The following NCOA1 variants were observed in gnomAD, a reference collection of about 807,000 sequenced individuals.
The protein encoded by NCOA1 is nuclear receptor coactivator 1, also known as Hin-2 protein.
NCOA1 carries 35 observed loss-of-function variants against 150.9 expected under a neutral mutation model. The observed-to-expected ratio is 0.23, with a 90% CI of 0.18 to 0.31. The LOEUF is 0.31. Ranked by LOEUF, NCOA1 falls within the 10% of genes least tolerant of loss-of-function variation. The probability of loss-of-function intolerance (pLI) is 1.00; values close to 1 mark genes in which losing one functional copy is unlikely to be tolerated. For missense variants in NCOA1, 1,491 were observed against 1,749.3 expected, an observed-to-expected ratio of 0.85 and a Z score of 2.63; for synonymous variants, 590 against 630.0, an observed-to-expected ratio of 0.94 and a Z score of 0.95.
intron 1 of NCOA1, among the ~76,000 whole-genome samples, chr2:24,497,751 C>A (rs1020891918): frequency 6.6e-6 from 1 of 152,054 alleles, no homozygotes; most frequent in East Asian, 1.9e-4. Context: ...TGCTTCTATC[C>A]AGGTAAGGTT....
intron 7 of NCOA1, among the ~76,000 whole-genome samples, chr2:24,681,750 T>C (rs931193703): frequency 6.6e-6 from 1 of 151,362 alleles, no homozygotes; most frequent in Non-Finnish European, 1.5e-5. Flanking sequence ...AGTCTTGCTC[T>C]GTCGCCCAGG....
At chr2:24,753,224 C>G (rs1045525138) in intron 20 of NCOA1, among the ~76,000 whole-genome samples, 6 of 152,130 alleles carry the variant, frequency 3.9e-5, no homozygotes, top group African/African-American at 7.2e-5. Flanking sequence ...TGTGGCCCAT[C>G]ATTATAATCA....
At chr2:24,526,714 C>CAA (rs11337079) in intron 1 of NCOA1, among the ~76,000 whole-genome samples, 2,884 of 145,706 alleles carry the variant, frequency 0.02, 30 homozygotes, top group Non-Finnish European at 0.028. Context: ...GACCCTTTCT[C>CAA]AAAAAAAAAA....
chr2:24,545,117 C>T (rs572365334), intron 1 of NCOA1, among the ~76,000 whole-genome samples: 2 of 152,226 alleles, frequency 1.3e-5, no homozygotes, highest in South Asian at 4.1e-4. Flanking sequence ...AGTGACAACC[C>T]AGTAGCATGA....
intron 3 of NCOA1, among the ~76,000 whole-genome samples, chr2:24,604,047 T>G (rs957660960): frequency 6.6e-6 from 1 of 152,242 alleles, no homozygotes; most frequent in African/African-American, 2.4e-5. Flanking sequence ...AATCTCCTTG[T>G]ACATCTCCAT....
chr2:24,738,078 A>AT (rs1432767535), intron 17 of NCOA1, among the ~76,000 whole-genome samples: 6 of 152,056 alleles, frequency 3.9e-5, no homozygotes, highest in Non-Finnish European at 5.9e-5. Flanking sequence ...TAGATTTGTC[A>AT]TTTTAACATT....
At position 24,522,199 on chromosome 2, in the gene NCOA1, A is replaced by G. The variant is rs567833537; in HGVS notation, c.-396+30597A>G. 3.9e-5 allele frequency among the ~76,000 whole-genome samples: 6 copies of G among 152,274 alleles called. No homozygotes were observed. The South Asian group carries it at 1.0e-3, about 26-fold the overall frequency. On this transcript the variant is annotated intron_variant, in intron 1 of 22. Coordinates refer to ENST00000348332, the MANE Select transcript of NCOA1 (RefSeq NM_003743.5). Reference sequence around the variant, plus strand: ...TCATTTTCTCTTAATCACTCACCATAGTATATACCTTCTGTAACATTCATT... The same window carrying G: ...TCATTTTCTCTTAATCACTCACCATGGTATATACCTTCTGTAACATTCATT...
At position 24,576,149 on chromosome 2, in the gene NCOA1, G is replaced by GTTTTTTTTTTTTTTTTT. The variant is rs1183405187; in HGVS notation, c.-259-8314_-259-8313insTTTTTTTTTTTTTTTTT. On this transcript the variant is annotated intron_variant, in intron 2 of 22. Coordinates refer to ENST00000348332, the MANE Select transcript of NCOA1 (RefSeq NM_003743.5). The stretch of plus-strand genomic sequence containing the variant: ...GAGTTTCAGAAATTATTTGGCCTTT[G>GTTTTTTTTTTTTTTTTT]TTTTTTTTTTTTTGTTTTTTGTTTT... 1.1e-3 allele frequency among the ~76,000 whole-genome samples: 101 copies of GTTTTTTTTTTTTTTTTT among 93,986 alleles called. 8 individuals are homozygous for GTTTTTTTTTTTTTTTTT. The highest frequency in any genetic ancestry group is 1.4e-3 in the Non-Finnish European group (68 of 48,850). 61.7% of individuals were successfully genotyped at this position (93,986 alleles called of 152,430 possible).
Position 24,752,139 on chromosome 2 carries a change from A to G in NCOA1, c.3864A>G (p.Gly1288=), listed in dbSNP as rs1472161077. 6.2e-7 allele frequency: 1 copy of G among 1,613,974 alleles called. No individual in the cohort carries two copies. Among genetic ancestry groups the G allele is most frequent in the South Asian group, 1.1e-5 (1 of 91,070 alleles). Residue 1288 remains glycine, a synonymous_variant, in exon 20 of 23, where the codon GGA becomes GGG. Transcript: ENST00000348332. ...CAGACATGAAGGCCTGGCAGCAAGG[A>G]GCGATAGGAAACAACAAGTAAGGGG... The part of the protein sequence containing the change: ...QSPDMKAWQQ[G]AIGNNNVFSQ...
In NCOA1 at chr2:24,539,447, C is replaced by G. The variant is rs552297168; in HGVS notation, c.-395-24848C>G. 2.9e-3 allele frequency among the ~76,000 whole-genome samples: 448 copies of G among 152,132 alleles called. 2 individuals are homozygous for G. In the Middle Eastern group the frequency reaches 0.037, roughly 13 times the overall value. ...TGTGGCTGCTTCATGAGGGATATTG[C>G]GTGGGGAAAGAGCAGGTGTAGGAAG... is the stretch of plus-strand genomic sequence containing the variant. On this transcript the variant is annotated intron_variant, in intron 1 of 22. Coordinates refer to ENST00000348332, the MANE Select transcript of NCOA1 (RefSeq NM_003743.5).
At chr2:24,580,282 G>T (rs986905962) in intron 2 of NCOA1, among the ~76,000 whole-genome samples, 12 of 152,060 alleles carry the variant, frequency 7.9e-5, no homozygotes, top group African/African-American at 2.7e-4. Context: ...TATGTGTTTT[G>T]CCAAACATGG....
intron 4 of NCOA1, 128 bp from the exon 5 acceptor site, chr2:24,658,533 G>C (rs1671043459): frequency 1.6e-6 from 1 of 615,458 alleles, no homozygotes; most frequent in Admixed American, 2.7e-5. Flanking sequence ...TTTTATGATG[G>C]CTGTAATTAT....
At chr2:24,536,965 C>T (rs977196617) in intron 1 of NCOA1, among the ~76,000 whole-genome samples, 1 of 151,948 alleles carries the variant, frequency 6.6e-6, no homozygotes, top group African/African-American at 2.4e-5. Context: ...TGTAGAGACT[C>T]AGAAAGGGGA....
intron 5 of NCOA1, among the ~76,000 whole-genome samples, chr2:24,664,814 T>TTTTATA (rs1365324341): frequency 2.6e-5 from 4 of 152,242 alleles, no homozygotes; most frequent in South Asian, 2.1e-4. Context: ...TTTCTGTTAC[T>TTTTATA]TTTATATGTA....
At chr2:24,697,596 T>C in intron 10 of NCOA1, 62 bp from the exon 11 acceptor site, 3 of 1,426,602 alleles carry the variant, frequency 2.1e-6, no homozygotes, top group Non-Finnish European at 1.9e-6. Flanking sequence ...TTGTTAGTTT[T>C]GAAATACAGA....
chr2:24,586,297 A>AG (rs1289709641), intron 3 of NCOA1, among the ~76,000 whole-genome samples: 36 of 151,496 alleles, frequency 2.4e-4, no homozygotes, highest in African/African-American at 8.0e-4. Context: ...AAAAAAAAAA[A>AG]AAAAATTAGC....
At chr2:24,719,624 TC>T (rs1353338899) in intron 14 of NCOA1, among the ~76,000 whole-genome samples, 1 of 152,174 alleles carries the variant, frequency 6.6e-6, no homozygotes, top group African/African-American at 2.4e-5. Context: ...CTGGAAGATG[TC>T]CTTAAACAGG....
At chr2:24,742,632 T>TC (rs1558332266) in intron 19 of NCOA1, among the ~76,000 whole-genome samples, 1 of 151,520 alleles carries the variant, frequency 6.6e-6, no homozygotes, top group East Asian at 1.9e-4. Flanking sequence ...AATTTTTGTT[T>TC]TTTTTTTTTT....
chr2:24,543,535 A>C (rs1312367974), intron 1 of NCOA1, among the ~76,000 whole-genome samples: 1 of 152,104 alleles, frequency 6.6e-6, no homozygotes, highest in Non-Finnish European at 1.5e-5. Flanking sequence ...AGCAAGGGAT[A>C]CAAAATAAAC....
Sources: allele counts gnomAD v4.1 joint callset (sites outside exome capture counted in the v4.1 genomes callset), GRCh38; gene constraint gnomAD v4.1.1; transcripts MANE v1.5; gene names NCBI Gene and HGNC (gene_info 2026-07-23, HGNC 2026-07-21).